ANKIB1: variants seen among roughly 807,000 people sequenced by gnomAD.
ANKIB1 encodes ankyrin repeat and IBR domain-containing protein 1.
In ANKIB1, 43 loss-of-function variants were observed where a neutral mutation model predicts 122.1. The observed-to-expected ratio is 0.35, with a 90% CI of 0.28 to 0.45. The LOEUF (loss-of-function observed/expected upper bound fraction) is 0.45. Ranked by LOEUF, ANKIB1 falls within the 20% of genes least tolerant of loss-of-function variation. The probability of loss-of-function intolerance (pLI) is 1.00; values close to 1 mark genes in which losing one functional copy is unlikely to be tolerated. For synonymous variants in ANKIB1, 390 were observed against 442.0 expected, an observed-to-expected ratio of 0.88 and a Z score of 1.48; for missense variants, 992 against 1,329.5, an observed-to-expected ratio of 0.75 and a Z score of 3.95.
At chr7:92,383,903 A>G (rs950705334) in intron 11 of ANKIB1, among the ~76,000 whole-genome samples, 3 of 152,174 alleles carry the variant, frequency 2.0e-5, no homozygotes, top group African/African-American at 7.2e-5. Context: ...CAATCAGGCA[A>G]GAGAAAGAAA....
At chr7:92,340,149 C>G (rs1037611417) in intron 5 of ANKIB1, among the ~76,000 whole-genome samples, 1 of 151,966 alleles carries the variant, frequency 6.6e-6, no homozygotes, top group Non-Finnish European at 1.5e-5. Context: ...TTGTGCTAAT[C>G]CTGATTCTCT....
intron 1 of ANKIB1, among the ~76,000 whole-genome samples, chr7:92,268,725 C>G (rs547389705): frequency 1.5e-4 from 23 of 152,332 alleles, no homozygotes; most frequent in African/African-American, 5.5e-4. Flanking sequence ...ATCCTCCTAC[C>G]TGGACCTCTC....
At chr7:92,381,197 A>G (rs189604549) in intron 11 of ANKIB1, among the ~76,000 whole-genome samples, 1 of 152,322 alleles carries the variant, frequency 6.6e-6, no homozygotes, top group Admixed American at 6.5e-5. Flanking sequence ...GAGAAAAAAG[A>G]GTAAAAAGAA....
intron 2 of ANKIB1, among the ~76,000 whole-genome samples, chr7:92,303,275 A>C (rs1194791139): frequency 6.6e-6 from 1 of 152,200 alleles, no homozygotes; most frequent in Non-Finnish European, 1.5e-5. Context: ...TGAGCATCCC[A>C]CATGCAAAAA....
intron 4 of ANKIB1, among the ~76,000 whole-genome samples, chr7:92,323,523 A>G (rs1165851698): frequency 1.3e-5 from 2 of 152,090 alleles, no homozygotes; most frequent in African/African-American, 4.8e-5. Flanking sequence ...CTATGATCAC[A>G]TGTCCCTGTA....
At chr7:92,283,874 C>T (rs1802059116) in intron 1 of ANKIB1, among the ~76,000 whole-genome samples, 1 of 152,142 alleles carries the variant, frequency 6.6e-6, no homozygotes, top group Non-Finnish European at 1.5e-5. Context: ...TGGCTCAAGT[C>T]ATCCTCCTGC....
At chr7:92,284,747 G>A (rs189027711) in intron 1 of ANKIB1, among the ~76,000 whole-genome samples, 3 of 151,844 alleles carry the variant, frequency 2.0e-5, no homozygotes, top group East Asian at 3.9e-4. Flanking sequence ...TGGAACTTGT[G>A]ATTTACTTAT....
chr7:92,337,854 G>A lies in ANKIB1; in HGVS notation c.788-5170G>A, dbSNP rs370755651. Among the ~76,000 whole-genome samples, 7 of 152,134 alleles carry A rather than the reference G, an allele frequency of 4.6e-5. No homozygotes were observed. The East Asian group carries it at 9.7e-4, about 21-fold the overall frequency. On this transcript the variant is annotated intron_variant, in intron 5 of 19. Transcript: ENST00000265742. ...GTTATTTATTGAAATCTAAGTTGGAGGCTTTGGAAAGCCTTGATAAAGGCA... is the reference window on the plus strand; with the variant it reads ...GTTATTTATTGAAATCTAAGTTGGAAGCTTTGGAAAGCCTTGATAAAGGCA...
chr7:92,355,336 C>A (rs1170419956), intron 9 of ANKIB1, among the ~76,000 whole-genome samples: 7 of 151,932 alleles, frequency 4.6e-5, no homozygotes, highest in African/African-American at 1.7e-4. Context: ...TGTCTCTCTT[C>A]TCTGAGACAA....
chr7:92,361,176 G>T (rs1249808303), intron 9 of ANKIB1, among the ~76,000 whole-genome samples: 3 of 152,080 alleles, frequency 2.0e-5, no homozygotes, highest in Non-Finnish European at 2.9e-5. Flanking sequence ...GCATCATCTT[G>T]AATTAAAATG....
chr7:92,361,797 A>G (rs1803952379), intron 9 of ANKIB1, among the ~76,000 whole-genome samples: 1 of 151,598 alleles, frequency 6.6e-6, no homozygotes, highest in African/African-American at 2.4e-5. Flanking sequence ...AATTGGAAGA[A>G]TACTTTCTAC....
Position 92,350,984 on chromosome 7 carries a change from C to T in ANKIB1, c.1120C>T (p.His374Tyr), listed in dbSNP as rs954024481. The T allele has an allele frequency of 6.2e-7, 1 of 1,607,292 alleles. No individual in the cohort carries two copies. Among genetic ancestry groups the T allele is most frequent in the Non-Finnish European group, 8.5e-7 (1 of 1,176,918 alleles). ...TCTGAAAATTCAAGAAGGTGAAGCTCACAACATTTTTTGCCCTGCATATGA... is the reference window on the plus strand; with the variant it reads ...TCTGAAAATTCAAGAAGGTGAAGCTTACAACATTTTTTGCCCTGCATATGA... ...LNLKIQEGEA[H>Y]NIFCPAYDCF... Residue 374 changes from histidine to tyrosine, a missense_variant, in exon 8 of 20, where the codon CAC becomes TAC. By Grantham distance (83) the His-to-Tyr change is moderately conservative. Coordinates refer to ENST00000265742, the MANE Select transcript of ANKIB1 (RefSeq NM_019004.2).
chr7:92,340,597 A>G (rs988472592), intron 5 of ANKIB1, among the ~76,000 whole-genome samples: 1 of 151,030 alleles, frequency 6.6e-6, no homozygotes. Flanking sequence ...AAGGACAGAG[A>G]AAAACCTCTG....
intron 4 of ANKIB1, 64 bp downstream of exon 4, chr7:92,319,576 T>C (rs1360272918): frequency 5.3e-6 from 8 of 1,503,420 alleles, no homozygotes; most frequent in Non-Finnish European, 5.4e-6. Context: ...TGTTGTTTTG[T>C]ATTTTTCTTC....
At chr7:92,397,499 A>G (rs1804924904) in intron 18 of ANKIB1, among the ~76,000 whole-genome samples, 1 of 151,936 alleles carries the variant, frequency 6.6e-6, no homozygotes, top group Non-Finnish European at 1.5e-5. Flanking sequence ...AAAAAAAAAA[A>G]GTAAAAAGTT....
chr7:92,368,754 C>T (rs773276339), intron 10 of ANKIB1, among the ~76,000 whole-genome samples: 1 of 151,754 alleles, frequency 6.6e-6, no homozygotes, highest in African/African-American at 2.4e-5. Flanking sequence ...AAGGGACAGA[C>T]GTATAGAATA....
intron 11 of ANKIB1, among the ~76,000 whole-genome samples, chr7:92,380,489 A>T (rs1314503194): frequency 6.6e-6 from 1 of 152,186 alleles, no homozygotes; most frequent in African/African-American, 2.4e-5. Flanking sequence ...TTAGGGGCCG[A>T]CTGACACCTC....
intron 10 of ANKIB1, among the ~76,000 whole-genome samples, chr7:92,363,417 G>GA (rs371496413): frequency 1.1e-3 from 160 of 148,064 alleles, no homozygotes; most frequent in Middle Eastern, 6.9e-3. Context: ...CTCAAAAAAA[G>GA]AAAAAAAAAA....
At chr7:92,349,399 C>T (rs921509070) in intron 7 of ANKIB1, among the ~76,000 whole-genome samples, 2 of 152,100 alleles carry the variant, frequency 1.3e-5, no homozygotes, top group African/African-American at 2.4e-5. Context: ...GCAAAGGGAA[C>T]GGGCCTGCCA....
Sources: gnomAD v4.1 joint callset for allele counts (sites outside exome capture counted in the v4.1 genomes callset) on GRCh38, gnomAD v4.1.1 for gene constraint, MANE v1.5 for transcripts, NCBI Gene and HGNC (gene_info 2026-07-23, HGNC 2026-07-21) for gene names.